Variants in KAZN observed in about 807,000 individuals in gnomAD.
KAZN encodes the protein kazrin, periplakin interacting protein.
In KAZN, 40 loss-of-function variants were observed where a neutral mutation model predicts 87.4. The ratio of observed to expected loss-of-function variants is 0.46; its 90% CI spans 0.36 to 0.60. The LOEUF is 0.60. Among genes scored for constraint, KAZN ranks in the 20% least tolerant of loss-of-function variants. The pLI, the probability that KAZN is intolerant of heterozygous loss-of-function variation, is 0.00. For missense variants in KAZN, 898 were observed against 1,073.9 expected (o/e 0.84, Z 2.29); for synonymous variants, 466 against 458.3 (o/e 1.02, Z -0.22).
At chr1:13,929,047 C>T (rs80144437) in intron 1 of KAZN, among the ~76,000 whole-genome samples, 11 of 101,530 alleles carry the variant, frequency 1.1e-4, no homozygotes, top group African/African-American at 2.0e-4. Context: ...AGCTTCAAGG[C>T]TTTTTTTTTT....
chr1:14,356,137 T>C (rs924060870), intron 2 of KAZN, among the ~76,000 whole-genome samples: 1 of 152,238 alleles, frequency 6.6e-6, no homozygotes, highest in African/African-American at 2.4e-5. Context: ...TGGTGTGAGA[T>C]GGTATCTCAC....
At chr1:14,782,844 A>G (rs533764930) in intron 1 of KAZN, among the ~76,000 whole-genome samples, 16 of 152,174 alleles carry the variant, frequency 1.1e-4, no homozygotes, top group African/African-American at 3.9e-4. Flanking sequence ...CCTCGCTGCA[A>G]ATGTTTTCAT....
At chr1:14,615,905 TA>T (rs1446059881) in intron 1 of KAZN, among the ~76,000 whole-genome samples, 1 of 152,208 alleles carries the variant, frequency 6.6e-6, no homozygotes, top group African/African-American at 2.4e-5. Flanking sequence ...AGTTCCACCT[TA>T]AAAAATTTCT....
chr1:15,065,027 C>CT (rs780410306), intron 7 of KAZN, among the ~76,000 whole-genome samples: 59,992 of 103,252 alleles, frequency 0.58, 18,794 homozygotes, highest in Non-Finnish European at 0.67. Flanking sequence ...CTTTTTCTTT[C>CT]TTTTTTTTTT....
At chr1:14,902,474 T>C (rs1656043638) in intron 1 of KAZN, among the ~76,000 whole-genome samples, 1 of 152,094 alleles carries the variant, frequency 6.6e-6, no homozygotes, top group Non-Finnish European at 1.5e-5. Context: ...GTGATCCACC[T>C]GCCTCGGCCT....
At chr1:14,736,292 T>TGTGTGC in intron 1 of KAZN, among the ~76,000 whole-genome samples, 1 of 146,008 alleles carries the variant, frequency 6.8e-6, no homozygotes, top group African/African-American at 2.7e-5. Context: ...TGTGTGTGTG[T>TGTGTGC]GTGTGTGTAT....
intron 1 of KAZN, among the ~76,000 whole-genome samples, chr1:14,618,158 C>T (rs1354477161): frequency 6.6e-6 from 1 of 152,250 alleles, no homozygotes; most frequent in African/African-American, 2.4e-5. Context: ...TTGCTTCACT[C>T]TTCATCTAGT....
chr1:14,870,082 C>T (rs561058935), intron 1 of KAZN, among the ~76,000 whole-genome samples: 2 of 152,270 alleles, frequency 1.3e-5, no homozygotes, highest in East Asian at 3.9e-4. Flanking sequence ...TGTGGAAAAT[C>T]CCAGTATCTG....
At position 15,117,670 on chromosome 1, in the gene KAZN, CA is replaced by C. The variant is rs1395267390; in HGVS notation, c.*3036del. 1 of 152,484 alleles carries C rather than the reference CA, an allele frequency of 6.6e-6. No homozygotes were observed. The highest frequency in any genetic ancestry group is 1.9e-4 in the East Asian group (1 of 5,194). The allele number at this position is 152,484 out of a possible 1,614,324, so 9.4% of individuals were successfully genotyped here. A position where few individuals can be genotyped will look rare whatever the true frequency, so the allele number is the denominator to read the frequency against. ...CCAGAGGTGACCTCAGTGTTCCCTCCAGGGGCATCCAGGCCCCTCTGACCTG... is the reference window on the plus strand; with the variant it reads ...CCAGAGGTGACCTCAGTGTTCCCTCCGGGGCATCCAGGCCCCTCTGACCTG... On this transcript the variant is annotated 3_prime_UTR_variant, in exon 15 of 15. Transcript: ENST00000376030.
chr1:14,724,936 A>G (rs761868292), intron 1 of KAZN, among the ~76,000 whole-genome samples: 14 of 152,248 alleles, frequency 9.2e-5, no homozygotes, highest in Non-Finnish European at 1.8e-4. Context: ...CATCCCAAGT[A>G]TGAGTCAATG....
chr1:14,591,348 G>A (rs925982667), intron 2 of KAZN, among the ~76,000 whole-genome samples: 4 of 151,570 alleles, frequency 2.6e-5, no homozygotes, highest in African/African-American at 9.7e-5. Flanking sequence ...ACTTACAGAG[G>A]CTGTGACAGA....
chr1:14,783,838 TG>T (rs954079562), intron 1 of KAZN, among the ~76,000 whole-genome samples: 5 of 151,710 alleles, frequency 3.3e-5, no homozygotes, highest in African/African-American at 1.2e-4. Flanking sequence ...ATGGAAGTAA[TG>T]GGGGTGGAGG....
At chr1:15,060,564 G>T in intron 6 of KAZN, 2 of 483,480 alleles carry the variant, frequency 4.1e-6, no homozygotes, top group South Asian at 2.3e-5. Context: ...CGCAGGCACA[G>T]CCTGGAACTC....
At chr1:13,936,749 T>A (rs560624334) in intron 1 of KAZN, among the ~76,000 whole-genome samples, 2 of 152,220 alleles carry the variant, frequency 1.3e-5, no homozygotes, top group African/African-American at 4.8e-5. Flanking sequence ...TGTATGTATA[T>A]GTGTACAGAC....
At position 14,599,203 on chromosome 1, in the gene KAZN, A is replaced by AC; in HGVS notation, c.211dup (p.Gln71ProfsTer43). ...GACTCGGCGGCGACGAACATGGAGA[A>AC]CCCCCAGCTTGGAGCGCAAGGTAGG... On this transcript the variant is annotated frameshift_variant, in exon 1 of 15. Coordinates refer to ENST00000376030, the MANE Select transcript of KAZN (RefSeq NM_201628.3). LOFTEE classifies it high-confidence loss of function. This position sits in a 1 kb window ranked among gnomAD's most constrained non-coding sequence, Gnocchi z 4.4. 7.1e-7 allele frequency: 1 copy of AC among 1,399,694 alleles called. No homozygotes were observed. 86.7% of individuals were successfully genotyped at this position (1,399,694 alleles called of 1,614,324 possible). A position where few individuals can be genotyped will look rare whatever the true frequency, so the allele number is the denominator to read the frequency against.
At chr1:15,097,221 A>G (rs988110626) in intron 10 of KAZN, among the ~76,000 whole-genome samples, 1 of 152,182 alleles carries the variant, frequency 6.6e-6, no homozygotes, top group Non-Finnish European at 1.5e-5. Flanking sequence ...GAAAAAATAC[A>G]CAAAACTTCA....
In KAZN at chr1:14,729,706, G is replaced by C. The variant is rs529121685; in HGVS notation, c.226+130483G>C. Reference sequence around the variant, plus strand: ...CAGTCACTGGCTCGAAATGGAGAATGAGAGAAAAAGGAGCTTGTTTCAGGC... The same window carrying C: ...CAGTCACTGGCTCGAAATGGAGAATCAGAGAAAAAGGAGCTTGTTTCAGGC... On this transcript the variant is annotated intron_variant, in intron 1 of 14. Coordinates refer to ENST00000376030, the MANE Select transcript of KAZN (RefSeq NM_201628.3). 2.6e-5 allele frequency among the ~76,000 whole-genome samples: 4 copies of C among 152,280 alleles called. No individual in the cohort carries two copies. The South Asian group carries it at 8.3e-4, about 32-fold the overall frequency.
At chr1:14,772,054 G>A (rs895209059) in intron 1 of KAZN, among the ~76,000 whole-genome samples, 3 of 152,106 alleles carry the variant, frequency 2.0e-5, no homozygotes, top group Non-Finnish European at 4.4e-5. Flanking sequence ...AATTTAATCT[G>A]GTGGAGGATG....
chr1:14,883,140 A>G (rs905115139), intron 1 of KAZN, among the ~76,000 whole-genome samples: 2 of 151,666 alleles, frequency 1.3e-5, no homozygotes, highest in African/African-American at 4.8e-5. Flanking sequence ...TACTAAAAAT[A>G]CAAAATTAGC....
Sources: allele counts gnomAD v4.1 joint callset (sites outside exome capture counted in the v4.1 genomes callset), GRCh38; gene constraint gnomAD v4.1.1; non-coding constraint Gnocchi (gnomAD v3.1); transcripts MANE v1.5; gene names NCBI Gene and HGNC (gene_info 2026-07-23, HGNC 2026-07-21).